The following ASXL3 variants were observed in gnomAD, a reference collection of about 807,000 sequenced individuals.
The protein encoded by ASXL3 is putative Polycomb group protein ASXL3.
In ASXL3, 34 loss-of-function variants were observed where a neutral mutation model predicts 170.6. The observed-to-expected ratio is 0.20, with a 90% CI of 0.15 to 0.27. The LOEUF (loss-of-function observed/expected upper bound fraction) is 0.27, where lower values mean the gene tolerates loss of function less well. Among genes scored for constraint, ASXL3 ranks in the 10% least tolerant of loss-of-function variants. The probability of loss-of-function intolerance (pLI) is 1.00; values close to 1 mark genes in which losing one functional copy is unlikely to be tolerated. For missense variants in ASXL3, 2,592 were observed against 2,695.3 expected, an observed-to-expected ratio of 0.96 and a Z score of 0.85; for synonymous variants, 1,002 against 989.1, an observed-to-expected ratio of 1.01 and a Z score of -0.24.
chr18:33,722,517 GC>G (rs2145375033), intron 8 of ASXL3, among the ~76,000 whole-genome samples: 1 of 152,252 alleles, frequency 6.6e-6, no homozygotes, highest in South Asian at 2.1e-4. Flanking sequence ...TATAGAGCAA[GC>G]CCCTAACTCT....
chr18:33,635,164 T>G (rs1347999716), intron 2 of ASXL3, among the ~76,000 whole-genome samples: 2 of 152,164 alleles, frequency 1.3e-5, no homozygotes, highest in African/African-American at 4.8e-5. Flanking sequence ...CTTAAAACCT[T>G]AACCAGAAAT....
At chr18:33,723,137 T>A (rs558529920) in intron 8 of ASXL3, among the ~76,000 whole-genome samples, 1 of 152,184 alleles carries the variant, frequency 6.6e-6, no homozygotes, top group Non-Finnish European at 1.5e-5. Flanking sequence ...AATGTTTTCA[T>A]ATTACTAATG....
At chr18:33,601,129 T>G (rs991877531) in intron 1 of ASXL3, among the ~76,000 whole-genome samples, 3 of 152,146 alleles carry the variant, frequency 2.0e-5, no homozygotes, top group Non-Finnish European at 4.4e-5. Context: ...GATGAGAATA[T>G]GTGGCTAGTC....
chr18:33,738,183 T>C (rs1180400238), intron 10 of ASXL3, among the ~76,000 whole-genome samples: 1 of 152,098 alleles, frequency 6.6e-6, no homozygotes, highest in Non-Finnish European at 1.5e-5. Context: ...ATAAATATTT[T>C]CTAATACTTT....
intron 4 of ASXL3, among the ~76,000 whole-genome samples, chr18:33,657,454 C>T (rs920768004): frequency 2.6e-5 from 4 of 152,094 alleles, no homozygotes; most frequent in African/African-American, 9.7e-5. Flanking sequence ...TGGATGTCCT[C>T]TTGTACACCT....
At position 33,743,373 on chromosome 18, in the gene ASXL3, C is replaced by T. The variant is rs1005097423; in HGVS notation, c.3525C>T (p.Leu1175=). 6.2e-7 allele frequency: 1 copy of T among 1,613,310 alleles called. No individual in the cohort carries two copies. Among genetic ancestry groups the T allele is most frequent in the Middle Eastern group, 1.6e-4 (1 of 6,062 alleles). Residue 1175 remains leucine, a synonymous_variant, in exon 12 of 12, where the codon CTC becomes CTT. Transcript: ENST00000269197. Reference sequence around the variant, plus strand: ...CTCCTAGCAACAAGTCTGCCCACCTCCGGGAGACCACCACTGTACTACAGC... The same window carrying T: ...CTCCTAGCAACAAGTCTGCCCACCTTCGGGAGACCACCACTGTACTACAGC... The part of the protein sequence containing the change: ...CRSPSNKSAH[L]RETTTVLQQS...
At chr18:33,621,616 A>G (rs1434725275) in intron 2 of ASXL3, among the ~76,000 whole-genome samples, 4 of 152,142 alleles carry the variant, frequency 2.6e-5, no homozygotes, top group Non-Finnish European at 4.4e-5. Flanking sequence ...GGAAGACTGA[A>G]AAGAACAAGG....
chr18:33,725,768 T>C (rs2145382336), intron 8 of ASXL3, among the ~76,000 whole-genome samples: 1 of 152,292 alleles, frequency 6.6e-6, no homozygotes, highest in Admixed American at 6.5e-5. Flanking sequence ...GTTCTGATGT[T>C]TGGTGCCAGC....
intron 1 of ASXL3, among the ~76,000 whole-genome samples, chr18:33,598,408 GC>G (rs1568269480): frequency 6.6e-6 from 1 of 151,890 alleles, no homozygotes; most frequent in Non-Finnish European, 1.5e-5. Context: ...ATTGTCCATT[GC>G]CCCCCAGTGC....
chr18:33,704,098 T>G (rs976028675), intron 8 of ASXL3, among the ~76,000 whole-genome samples: 7 of 152,174 alleles, frequency 4.6e-5, no homozygotes, highest in Non-Finnish European at 8.8e-5. Context: ...AAGTGACATA[T>G]TAGTAGTGTA....
intron 2 of ASXL3, among the ~76,000 whole-genome samples, chr18:33,644,669 A>G (rs1003245430): frequency 6.6e-6 from 1 of 151,964 alleles, no homozygotes; most frequent in Non-Finnish European, 1.5e-5. Flanking sequence ...CTGAAGCCTT[A>G]TAAGACAGAT....
intron 8 of ASXL3, among the ~76,000 whole-genome samples, chr18:33,689,839 AT>A (rs557288863): frequency 2.0e-5 from 3 of 151,990 alleles, no homozygotes; most frequent in Admixed American, 1.3e-4. Flanking sequence ...TCCTCTTCAG[AT>A]TTTCAATGTA....
At chr18:33,613,443 G>A (rs1291630845) in intron 2 of ASXL3, among the ~76,000 whole-genome samples, 1 of 151,912 alleles carries the variant, frequency 6.6e-6, no homozygotes, top group Non-Finnish European at 1.5e-5. Context: ...CATAATCCAG[G>A]CATATGTTGA....
chr18:33,749,232 AATATAT>A lies in ASXL3; in HGVS notation c.*2643_*2648del. On this transcript the variant is annotated 3_prime_UTR_variant, in exon 12 of 12. Coordinates refer to ENST00000269197, the MANE Select transcript of ASXL3 (RefSeq NM_030632.3). ...TCAGATATTTTATAGGTTTCCATTTAATATATATATACACACAAAATCCAGTATATT... is the reference window on the plus strand; with the variant it reads ...TCAGATATTTTATAGGTTTCCATTTAATATACACACAAAATCCAGTATATT... The A allele has an allele frequency of 6.6e-6, 1 of 152,122 alleles. No individual in the cohort carries two copies. Among genetic ancestry groups the A allele is most frequent in the East Asian group, 1.9e-4 (1 of 5,160 alleles). 9.4% of individuals were successfully genotyped at this position (152,122 alleles called of 1,614,324 possible).
intron 5 of ASXL3, among the ~76,000 whole-genome samples, chr18:33,667,689 C>G (rs2066280050): frequency 6.6e-6 from 1 of 152,158 alleles, no homozygotes; most frequent in Non-Finnish European, 1.5e-5. Context: ...ACATCCCACT[C>G]TAAATTGGTT....
At chr18:33,690,738 C>T (rs2066674052) in intron 8 of ASXL3, among the ~76,000 whole-genome samples, 1 of 152,146 alleles carries the variant, frequency 6.6e-6, no homozygotes, top group Non-Finnish European at 1.5e-5. Flanking sequence ...TGATTATTGC[C>T]TTGTAGGTAG....
At position 33,745,827 on chromosome 18, in the gene ASXL3, T is replaced by C. The variant is rs2067773350; in HGVS notation, c.5979T>C (p.Asn1993=). 2 of 1,613,734 alleles carry C rather than the reference T, an allele frequency of 1.2e-6. No individual in the cohort carries two copies. The highest frequency in any genetic ancestry group is 8.5e-7 in the Non-Finnish European group (1 of 1,179,868). ...QLRLANMLSP[N]MPMKEGDEVG... ...GGTTAGCCAACATGTTATCCCCCAA[T>C]ATGCCCATGAAAGAAGGTGATGAGG... is the stretch of plus-strand genomic sequence containing the variant. The change falls in exon 12 of 12, where the codon AAT becomes AAC. Residue 1993 remains asparagine, a synonymous_variant. Transcript: ENST00000269197.
chr18:33,737,288 A>C (rs191490510), intron 10 of ASXL3, among the ~76,000 whole-genome samples: 7 of 152,294 alleles, frequency 4.6e-5, no homozygotes, highest in Non-Finnish European at 7.4e-5. Flanking sequence ...GGATTTTTAA[A>C]AAGCAAAGGT....
At chr18:33,710,261 C>CA (rs919156391) in intron 8 of ASXL3, among the ~76,000 whole-genome samples, 6 of 151,908 alleles carry the variant, frequency 3.9e-5, no homozygotes, top group Admixed American at 3.3e-4. Flanking sequence ...AACTCCGTCT[C>CA]AAAAAAACAA....
Sources: allele counts gnomAD v4.1 joint callset (sites outside exome capture counted in the v4.1 genomes callset), GRCh38; gene constraint gnomAD v4.1.1; transcripts MANE v1.5; gene names NCBI Gene and HGNC (gene_info 2026-07-23, HGNC 2026-07-21).